PABPC4L: variants seen among roughly 807,000 people sequenced by gnomAD.
PABPC4L encodes poly(A) binding protein cytoplasmic 4 like, also known as polyadenylate-binding protein 4-like.
For synonymous variants in PABPC4L, 169 were observed against 164.1 expected (o/e 1.03, Z -0.23); for missense variants, 452 against 451.4 (o/e 1.00, Z -0.01).
the PABPC4L span, among the ~76,000 whole-genome samples, chr4:134,016,177 C>T: frequency 6.6e-6 from 1 of 152,122 alleles, no homozygotes; most frequent in Admixed American, 6.6e-5. Context: ...TCTTCCGCAT[C>T]TGTCATTGAG....
At chr4:134,034,959 A>G in the PABPC4L span, among the ~76,000 whole-genome samples, 6 of 151,972 alleles carry the variant, frequency 3.9e-5, no homozygotes, top group African/African-American at 1.2e-4. Context: ...ACAGCATCAC[A>G]TATGACAGAG....
the PABPC4L span, among the ~76,000 whole-genome samples, chr4:134,125,868 T>TCACA: frequency 6.6e-6 from 1 of 151,730 alleles, no homozygotes; most frequent in Non-Finnish European, 1.5e-5. Context: ...TGATGTTTAT[T>TCACA]CACACACACA....
the PABPC4L span, among the ~76,000 whole-genome samples, chr4:133,997,196 G>T: frequency 6.6e-6 from 1 of 152,118 alleles, no homozygotes; most frequent in African/African-American, 2.4e-5. Context: ...CAAGTAAAAG[G>T]AAGAGTCAGG....
At chr4:134,139,335 C>T in the PABPC4L span, among the ~76,000 whole-genome samples, 1 of 151,860 alleles carries the variant, frequency 6.6e-6, no homozygotes, top group African/African-American at 2.4e-5. Context: ...TGTACTGATT[C>T]GTGACATGAA....
the PABPC4L span, among the ~76,000 whole-genome samples, chr4:134,161,879 A>G: frequency 6.6e-6 from 1 of 152,132 alleles, no homozygotes; most frequent in Admixed American, 6.5e-5. Context: ...GAGACTGTAC[A>G]AATATATAAA....
the PABPC4L span, among the ~76,000 whole-genome samples, chr4:134,036,535 A>T: frequency 1.0e-3 from 155 of 152,230 alleles, no homozygotes; most frequent in Admixed American, 2.6e-3. Context: ...TATGTGGTAT[A>T]GCTTAATAGT....
At chr4:134,014,892 T>G in the PABPC4L span, among the ~76,000 whole-genome samples, 1 of 152,066 alleles carries the variant, frequency 6.6e-6, no homozygotes, top group Non-Finnish European at 1.5e-5. Flanking sequence ...TACTCTTTAA[T>G]GCACTCCTTT....
the PABPC4L span, among the ~76,000 whole-genome samples, chr4:134,012,312 C>G: frequency 6.6e-6 from 1 of 152,098 alleles, no homozygotes; most frequent in Non-Finnish European, 1.5e-5. Context: ...CATTCCACCA[C>G]AAAAGAAGTG....
chr4:134,075,428 A>G, the PABPC4L span, among the ~76,000 whole-genome samples: 11 of 152,164 alleles, frequency 7.2e-5, no homozygotes, highest in Non-Finnish European at 1.5e-4. Flanking sequence ...TAAATTAATT[A>G]ATTAATAATG....
At chr4:134,194,734 G>A (rs902241052), downstream of PABPC4L, among the ~76,000 whole-genome samples, 8 of 151,706 alleles carry the variant, frequency 5.3e-5, no homozygotes, top group African/African-American at 1.9e-4. Context: ...AGCTTTTAGT[G>A]AGGCAGGAAC....
In PABPC4L at chr4:134,199,459, G is replaced by C. The variant is rs1179481827; in HGVS notation, c.*448C>G. ...TAAAAGTTTGATTTCTCAAAACTTG[G>C]ATGAAAAATTAGAAAATTTCTGTTG... On this transcript the variant is annotated 3_prime_UTR_variant, in exon 2 of 2. Transcript: ENST00000421491. The C allele has an allele frequency of 6.6e-6, 1 of 152,280 alleles. No homozygotes were observed. Among genetic ancestry groups the C allele is most frequent in the Non-Finnish European group, 1.5e-5 (1 of 68,164 alleles). 9.4% of individuals were successfully genotyped at this position (152,280 alleles called of 1,614,324 possible). A position where few individuals can be genotyped will look rare whatever the true frequency, so the allele number is the denominator to read the frequency against.
chr4:134,096,123 A>G, the PABPC4L span, among the ~76,000 whole-genome samples: 1 of 151,990 alleles, frequency 6.6e-6, no homozygotes, highest in South Asian at 2.1e-4. Flanking sequence ...ATCAGTGTTC[A>G]ATGCATTTTA....
At chr4:134,127,255 C>A in the PABPC4L span, among the ~76,000 whole-genome samples, 7 of 152,124 alleles carry the variant, frequency 4.6e-5, no homozygotes, top group African/African-American at 1.4e-4. Context: ...CCCCGCCCCC[C>A]ACCTGACCCT....
At chr4:134,004,462 A>G in the PABPC4L span, among the ~76,000 whole-genome samples, 1 of 151,854 alleles carries the variant, frequency 6.6e-6, no homozygotes, top group Non-Finnish European at 1.5e-5. Flanking sequence ...CATTCATAAT[A>G]ATAGCTGACA....
the PABPC4L span, among the ~76,000 whole-genome samples, chr4:133,990,713 T>C: frequency 1.3e-5 from 2 of 152,164 alleles, no homozygotes; most frequent in Non-Finnish European, 2.9e-5. Flanking sequence ...AAACACAATT[T>C]GTGGGTAATT....
the PABPC4L span, among the ~76,000 whole-genome samples, chr4:134,064,153 G>A: frequency 2.6e-5 from 4 of 151,914 alleles, no homozygotes; most frequent in Admixed American, 2.0e-4. Context: ...CAAATTTGGG[G>A]AGGAATAATA....
At chr4:133,959,373 C>T in the PABPC4L span, among the ~76,000 whole-genome samples, 2 of 152,050 alleles carry the variant, frequency 1.3e-5, no homozygotes, top group Admixed American at 6.6e-5. Context: ...TGAGAAGGCC[C>T]CTCTGCAGAG....
chr4:133,995,586 C>T, the PABPC4L span, among the ~76,000 whole-genome samples: 6 of 152,172 alleles, frequency 3.9e-5, no homozygotes, highest in Non-Finnish European at 8.8e-5. Flanking sequence ...GAGGCCCTTG[C>T]TGAACATTTA....
At chr4:134,122,719 TTC>T in the PABPC4L span, among the ~76,000 whole-genome samples, 69 of 151,856 alleles carry the variant, frequency 4.5e-4, no homozygotes, top group Non-Finnish European at 1.0e-4. Context: ...TCTAATTTGC[TTC>T]TCTTTGATTA....
Sources: gnomAD v4.1 joint callset for allele counts (sites outside exome capture counted in the v4.1 genomes callset) on GRCh38, gnomAD v4.1.1 for gene constraint, MANE v1.5 for transcripts, NCBI Gene and HGNC (gene_info 2026-07-23, HGNC 2026-07-21) for gene names.